The following BRWD1 variants were observed in gnomAD, a reference collection of about 807,000 sequenced individuals.
BRWD1 encodes bromodomain and WD repeat domain containing 1.
A neutral mutation model predicts 251.2 loss-of-function variants in BRWD1; 82 were observed. That is an observed-to-expected ratio of 0.33 (90% CI 0.27 to 0.39). The LOEUF (loss-of-function observed/expected upper bound fraction) is 0.39. BRWD1 is among the 10% of genes least tolerant of loss of function. BRWD1 has a pLI of 1.00. For missense variants in BRWD1, 2,233 were observed against 2,711.6 expected (o/e 0.82, Z 3.92); for synonymous variants, 918 against 902.8 (o/e 1.02, Z -0.30).
At chr21:39,248,037 C>T (rs1157220274) in intron 20 of BRWD1, among the ~76,000 whole-genome samples, 3 of 152,082 alleles carry the variant, frequency 2.0e-5, no homozygotes, top group Admixed American at 2.0e-4. Context: ...AGAAAATGCA[C>T]ATTAGATGGG....
chr21:39,296,549 G>A, intron 5 of BRWD1, 186 bp from the exon 6 acceptor site: 1 of 1,232,154 alleles, frequency 8.1e-7, no homozygotes, highest in Non-Finnish European at 1.0e-6. Context: ...AGACATCTCA[G>A]ATACAGCAGC....
chr21:39,267,039 A>AC (rs2034944579), intron 15 of BRWD1, among the ~76,000 whole-genome samples: 1 of 152,240 alleles, frequency 6.6e-6, no homozygotes, highest in Admixed American at 6.5e-5. Flanking sequence ...TAGTTAAGGT[A>AC]ATGGATGTAT....
chr21:39,210,737 T>C (rs2032619749), intron 35 of BRWD1, 49 bp downstream of exon 35: 1 of 1,544,876 alleles, frequency 6.5e-7, no homozygotes, highest in South Asian at 1.2e-5. Flanking sequence ...CCCAGTTTCC[T>C]CACTGCAAAA....
chr21:39,298,372 C>T (rs373956782), intron 5 of BRWD1, 60 bp downstream of exon 5: 5 of 1,446,834 alleles, frequency 3.5e-6, no homozygotes, highest in Non-Finnish European at 3.6e-6. Context: ...CATTACTTCA[C>T]AATTATAATA....
chr21:39,247,077 A>G (rs78384159), intron 21 of BRWD1, among the ~76,000 whole-genome samples: 1 of 115,954 alleles, frequency 8.6e-6, no homozygotes, highest in African/African-American at 3.0e-5. Flanking sequence ...ACTCCGTCTC[A>G]AAAAAAAAAA....
At chr21:39,236,878 A>G in intron 22 of BRWD1, 94 bp from the exon 23 acceptor site, 7 of 1,152,194 alleles carry the variant, frequency 6.1e-6, no homozygotes, top group Non-Finnish European at 7.4e-6. Context: ...GAGAGAGGAG[A>G]AAAAGGGAAG....
chr21:39,229,379 A>G lies in BRWD1; in HGVS notation c.3058T>C (p.Cys1020Arg). 6.2e-7 allele frequency: 1 copy of G among 1,609,732 alleles called. No individual in the cohort carries two copies. The highest frequency in any genetic ancestry group is 8.5e-7 in the Non-Finnish European group (1 of 1,176,254). Residue 1020 changes from cysteine to arginine, a missense_variant, in exon 26 of 41, where the codon TGT (cysteine) becomes CGT (arginine). By Grantham distance (180) the Cys-to-Arg change is radical. This residue lies in a region of BRWD1 where 139 missense variants were observed against 272.8 expected (regional missense o/e 0.51). Coordinates refer to ENST00000342449, the MANE Select transcript of BRWD1 (RefSeq NM_033656.4). ...TCTATAAATGCTAGTTTTAGGCAAC[A>G]GAGTGTAGGGGGCCCAACTTCATAT... ...IRYEVGPPTL[C>R]CLKLAFIDPA...
intron 38 of BRWD1, among the ~76,000 whole-genome samples, 171 bp downstream of exon 38, chr21:39,202,154 C>T (rs13050583): frequency 0.93 from 141,753 of 152,202 alleles, 66,395 homozygotes; most frequent in African/African-American, 0.98. Context: ...ATGGCACTTA[C>T]AGAAGATAAC....
At chr21:39,239,616 T>C (rs781623153) in intron 21 of BRWD1, among the ~76,000 whole-genome samples, 9 of 152,210 alleles carry the variant, frequency 5.9e-5, no homozygotes, top group Admixed American at 1.3e-4. Context: ...CTTTCAGTTT[T>C]ATTCTTCTTC....
chr21:39,257,788 A>C (rs2146632758), intron 18 of BRWD1, among the ~76,000 whole-genome samples: 1 of 152,312 alleles, frequency 6.6e-6, no homozygotes, highest in South Asian at 2.1e-4. Context: ...CTGAAAAAAA[A>C]CACATAGGAA....
At chr21:39,277,846 G>A (rs773371215) in intron 10 of BRWD1, among the ~76,000 whole-genome samples, 15 of 151,870 alleles carry the variant, frequency 9.9e-5, no homozygotes, top group East Asian at 1.9e-4. Context: ...GATTACAGGC[G>A]TGAGCCAGCT....
chr21:39,254,955 C>T (rs947135281), intron 19 of BRWD1, among the ~76,000 whole-genome samples: 17 of 152,042 alleles, frequency 1.1e-4, no homozygotes, highest in Admixed American at 9.8e-4. Context: ...AACCAAGGTA[C>T]GGTTTTTTTA....
intron 21 of BRWD1, among the ~76,000 whole-genome samples, chr21:39,240,969 C>T (rs971244467): frequency 9.2e-5 from 14 of 151,446 alleles, no homozygotes; most frequent in Non-Finnish European, 1.6e-4. Context: ...GGCACTGTCT[C>T]GGCTCACTGC....
rs1437696555 is a variant in BRWD1 at position 39,189,470 on chromosome 21, T to TA, written c.*6788dup. The stretch of plus-strand genomic sequence containing the variant: ...TTGTCATCCAGAATAATGGAAAAGT[T>TA]AAGATTCTGCAGGAAAAAAAAAACT... On this transcript the variant is annotated 3_prime_UTR_variant, in exon 41 of 41. Transcript: ENST00000342449. The TA allele has an allele frequency of 1.0e-6, 1 of 974,688 alleles. No individual in the cohort carries two copies. The highest frequency in any genetic ancestry group is 1.2e-6 in the Non-Finnish European group (1 of 820,478). The allele number at this position is 974,688 out of a possible 1,614,324, so 60.4% of individuals were successfully genotyped here.
In BRWD1 at chr21:39,194,299, A is replaced by G; in HGVS notation, c.*1960T>C. The G allele has an allele frequency of 1.0e-6, 1 of 993,364 alleles. No homozygotes were observed. Among genetic ancestry groups the G allele is most frequent in the Non-Finnish European group, 1.2e-6 (1 of 833,970 alleles). 61.5% of individuals were successfully genotyped at this position (993,364 alleles called of 1,614,324 possible). ...TACCTTTTTGCAAATGATGGTAAAC[A>G]TGGAGTTAAAACCTGAGAACAGATT... is the stretch of plus-strand genomic sequence containing the variant. On this transcript the variant is annotated 3_prime_UTR_variant, in exon 41 of 41. Transcript: ENST00000342449.
chr21:39,196,384 T>C lies in BRWD1; in HGVS notation c.6685A>G (p.Lys2229Glu), dbSNP rs1309750508. ...ATTTTTGAACGTCGAAGAACTCTTT[T>C]AGATTTTGCATAGTCCAAATCCTCC... is the stretch of plus-strand genomic sequence containing the variant. ...DWEDLDYAKS[K>E]RVLRRSKIKT... The change falls in exon 41 of 41, where the codon AAA (lysine) becomes GAA (glutamate). Residue 2229 changes from lysine to glutamate, a missense_variant. Coordinates refer to ENST00000342449, the MANE Select transcript of BRWD1 (RefSeq NM_033656.4). The C allele has an allele frequency of 3.1e-6, 5 of 1,613,700 alleles. No individual in the cohort carries two copies. The highest frequency in any genetic ancestry group is 1.3e-5 in the African/African-American group (1 of 74,924).
rs2031458282 is a variant in BRWD1 at position 39,189,931 on chromosome 21, G to C, written c.*6328C>G. ...GAATCCCACCAGTCCTACTGCCTCA[G>C]ATGAGTCTTGTTTCAGTCATGGGTT... On this transcript the variant is annotated 3_prime_UTR_variant, in exon 41 of 41. Coordinates refer to ENST00000342449, the MANE Select transcript of BRWD1 (RefSeq NM_033656.4). 2.0e-6 allele frequency: 2 copies of C among 985,236 alleles called. No homozygotes were observed. Among genetic ancestry groups the C allele is most frequent in the South Asian group, 9.4e-5 (2 of 21,288 alleles). The allele number at this position is 985,236 out of a possible 1,614,324, so 61.0% of individuals were successfully genotyped here.
chr21:39,278,910 A>T (rs1331232760), intron 9 of BRWD1, 97 bp from the exon 10 acceptor site: 3 of 977,976 alleles, frequency 3.1e-6, no homozygotes, highest in Non-Finnish European at 4.3e-6. Flanking sequence ...AAATATTATA[A>T]TTTTTTAAGA....
intron 22 of BRWD1, among the ~76,000 whole-genome samples, chr21:39,237,788 T>C (rs1290243199): frequency 1.3e-5 from 2 of 152,192 alleles, no homozygotes; most frequent in African/African-American, 4.8e-5. Flanking sequence ...ATGCTTTAAA[T>C]GGTTATATTT....
Sources: allele counts gnomAD v4.1 joint callset (sites outside exome capture counted in the v4.1 genomes callset), GRCh38; gene constraint gnomAD v4.1.1; regional missense constraint gnomAD v4.1.1; transcripts MANE v1.5; gene names NCBI Gene and HGNC (gene_info 2026-07-23, HGNC 2026-07-21).